Variants in DNAH5 observed in about 807,000 individuals in gnomAD.
The protein encoded by DNAH5 is axonemal beta dynein heavy chain 5.
Under a neutral mutation model 518.2 loss-of-function variants are expected in DNAH5, and 372 were observed. The ratio of observed to expected loss-of-function variants is 0.72; its 90% CI spans 0.66 to 0.78. The LOEUF (loss-of-function observed/expected upper bound fraction) is 0.78, where lower values mean the gene tolerates loss of function less well. Among genes scored for constraint, DNAH5 ranks in the 30% least tolerant of loss-of-function variants. The pLI, the probability that DNAH5 is intolerant of heterozygous loss-of-function variation, is 0.00. For missense variants in DNAH5, 5,523 were observed against 5,687.0 expected, an observed-to-expected ratio of 0.97 and a Z score of 0.93; for synonymous variants, 2,039 against 2,025.9, an observed-to-expected ratio of 1.01 and a Z score of -0.17.
At chr5:13,704,254 TG>T (rs924070839) in intron 76 of DNAH5, among the ~76,000 whole-genome samples, 3 of 152,116 alleles carry the variant, frequency 2.0e-5, no homozygotes, top group Non-Finnish European at 4.4e-5. Flanking sequence ...CTTTTATTAC[TG>T]GGGGTAGCAG....
At chr5:13,808,341 C>T (rs978910549) in intron 46 of DNAH5, among the ~76,000 whole-genome samples, 3 of 152,024 alleles carry the variant, frequency 2.0e-5, no homozygotes, top group Non-Finnish European at 2.9e-5. Context: ...CTGAAGAACC[C>T]CAGCCTGCCA....
intron 12 of DNAH5, among the ~76,000 whole-genome samples, chr5:13,904,658 C>A (rs1465229746): frequency 6.6e-6 from 1 of 152,042 alleles, no homozygotes; most frequent in Non-Finnish European, 1.5e-5. Context: ...CACCTTTAAT[C>A]CCAGAACATT....
In DNAH5 at chr5:13,707,334, C is replaced by T. The variant is rs181695219; in HGVS notation, c.13338+789G>A. Among the ~76,000 whole-genome samples the T allele has an allele frequency of 2.6e-5, 4 of 152,290 alleles. No homozygotes were observed. The highest frequency in any genetic ancestry group is 2.6e-4 in the Admixed American group (4 of 15,304). ...AAAACCTTGCACCCGACCTCTAAGC[C>T]CACATGTGAGGCAATTTTTCCAGTA... On this transcript the variant is annotated intron_variant, in intron 76 of 78. Coordinates refer to ENST00000265104, the MANE Select transcript of DNAH5 (RefSeq NM_001369.3). This position sits in a 1 kb window ranked among gnomAD's most constrained non-coding sequence, Gnocchi z 4.0.
intron 47 of DNAH5, among the ~76,000 whole-genome samples, chr5:13,799,334 CT>C (rs547543540): frequency 8.5e-5 from 13 of 152,130 alleles, no homozygotes; most frequent in African/African-American, 2.9e-4. Flanking sequence ...AATGAGAACA[CT>C]TTTTGGCACA....
At chr5:13,898,780 T>C (rs553466595) in intron 15 of DNAH5, 6 of 395,658 alleles carry the variant, frequency 1.5e-5, no homozygotes, top group Admixed American at 1.3e-4. Context: ...TTAACCACTA[T>C]GAAATTTTAA....
At chr5:13,814,894 G>C in intron 42 of DNAH5, 48 bp from the exon 43 acceptor site, 1 of 1,582,240 alleles carries the variant, frequency 6.3e-7, no homozygotes, top group Admixed American at 1.7e-5. Context: ...CACTCATGCA[G>C]TGCATGTACA....
intron 8 of DNAH5, among the ~76,000 whole-genome samples, chr5:13,916,908 A>T (rs11744581): frequency 6.6e-6 from 1 of 151,866 alleles, no homozygotes; most frequent in African/African-American, 2.4e-5. Context: ...AAAATATAAC[A>T]TCTCATATAC....
chr5:13,919,466 T>C (rs1487042980), intron 6 of DNAH5, 114 bp from the exon 7 acceptor site: 2 of 1,286,324 alleles, frequency 1.6e-6, no homozygotes, highest in African/African-American at 3.0e-5. Context: ...TCATGATATA[T>C]GCGTATTCCA....
intron 32 of DNAH5, among the ~76,000 whole-genome samples, chr5:13,844,570 C>T (rs976747831): frequency 1.3e-5 from 2 of 152,108 alleles, no homozygotes; most frequent in Non-Finnish European, 2.9e-5. Flanking sequence ...TACTAGTTAA[C>T]TTGGTGTGTA....
chr5:13,721,264 A>T lies in DNAH5; in HGVS notation c.12034-19T>A. ...TGCGGGCCTGCCAAAAACAGTATAC[A>T]AGTCAGTAAAAGTCATTCCAACTCT... On this transcript the variant is annotated intron_variant, in intron 70 of 78. Transcript: ENST00000265104. 3 of 1,613,962 alleles carry T rather than the reference A, an allele frequency of 1.9e-6. No individual in the cohort carries two copies. The highest frequency in any genetic ancestry group is 1.7e-6 in the Non-Finnish European group (2 of 1,179,908).
chr5:13,859,315 G>A lies in DNAH5; in HGVS notation c.4950+137C>T, dbSNP rs1900161. ...TCCTCACTCCCTTTGAAGAATAACA[G>A]CATTAACAGTGACAACAAAAAGATT... On this transcript the variant is annotated intron_variant, in intron 30 of 78. Transcript: ENST00000265104. 349,884 of 886,412 alleles carry A rather than the reference G, an allele frequency of 0.39. 71,015 individuals carry two copies. Among genetic ancestry groups the A allele is most frequent in the South Asian group, 0.47 (31,333 of 67,274 alleles). 54.9% of individuals were successfully genotyped at this position (886,412 alleles called of 1,614,324 possible).
Position 13,883,076 on chromosome 5 carries a change from T to C in DNAH5, c.3002A>G (p.Asn1001Ser). The C allele has an allele frequency of 6.2e-7, 1 of 1,614,060 alleles. No homozygotes were observed. Among genetic ancestry groups the C allele is most frequent in the East Asian group, 2.2e-5 (1 of 44,884 alleles). ...AATGGGCAAACTGTTCTGCTTCATG[T>C]TAGAGGCACTGTTACTGTCTGAGTT... The part of the protein sequence containing the change: ...INFRDSNSAS[N>S]MKQNSLPIFR... Residue 1001 changes from asparagine (N) to serine (S), a missense_variant, in exon 20 of 79, where the codon AAC (asparagine) becomes AGC (serine). Asn to Ser is a conservative substitution (Grantham distance 46). Coordinates refer to ENST00000265104, the MANE Select transcript of DNAH5 (RefSeq NM_001369.3).
At chr5:13,760,922 T>C (rs1327195592) in intron 60 of DNAH5, among the ~76,000 whole-genome samples, 3 of 152,232 alleles carry the variant, frequency 2.0e-5, no homozygotes, top group African/African-American at 4.8e-5. Context: ...ACACAGTGAA[T>C]GCGGGTCTGT....
chr5:13,878,911 A>T (rs1771262695), intron 21 of DNAH5, among the ~76,000 whole-genome samples: 1 of 152,224 alleles, frequency 6.6e-6, no homozygotes, highest in South Asian at 2.1e-4. Context: ...CATGCATTCA[A>T]CACTCCAACA....
At chr5:13,903,718 C>A (rs541427835) in intron 12 of DNAH5, among the ~76,000 whole-genome samples, 1 of 151,974 alleles carries the variant, frequency 6.6e-6, no homozygotes, top group Non-Finnish European at 1.5e-5. Context: ...CTTCTAAGGG[C>A]TGACGGAAAA....
At chr5:13,785,263 T>A (rs1459349087) in intron 52 of DNAH5, among the ~76,000 whole-genome samples, 1 of 151,370 alleles carries the variant, frequency 6.6e-6, no homozygotes, top group African/African-American at 2.4e-5. Context: ...CCTATGAAAA[T>A]CTAATGCCAC....
rs116995413 is a variant in DNAH5, at chr5:13,919,257, G to C, written c.894C>G (p.Asn298Lys). Reference sequence around the variant, plus strand: ...GGCTTTTCAATTGTTCCAAAAGGTAGTTAAACTTGGAGAGTCTTTTTTTCC... The same window carrying C: ...GGCTTTTCAATTGTTCCAAAAGGTACTTAAACTTGGAGAGTCTTTTTTTCC... ...EHWKKRLSKF[N>K]YLLEQLKSPD... Residue 298 changes from asparagine (N) to lysine (K), a missense_variant, in exon 7 of 79, where the codon AAC becomes AAG. Around this residue, in one of 3 missense-constraint regions of DNAH5, gnomAD observed 5,121 missense variants for 5,223.3 expected, o/e 0.98. Coordinates refer to ENST00000265104, the MANE Select transcript of DNAH5 (RefSeq NM_001369.3). 682 of 1,614,142 alleles carry C rather than the reference G, an allele frequency of 4.2e-4. 9 individuals carry two copies. In the East Asian group the frequency reaches 0.014, roughly 34 times the overall value.
Position 13,952,394 on chromosome 5 carries a change from T to C in DNAH5, c.13-21150A>G, listed in dbSNP as rs539237574. ...GTTCTGTCTCTGAAAAGCTTAAAAA[T>C]AGGCTCAGGGAGACATCAAAGGAAG... is the stretch of plus-strand genomic sequence containing the variant. On this transcript the variant is annotated intron_variant, in intron 1 of 78. Coordinates refer to the DNAH5 transcript ENST00000681290. Among the ~76,000 whole-genome samples, 24 of 152,242 alleles carry C rather than the reference T, an allele frequency of 1.6e-4. 1 individual carries two copies. In the South Asian group the frequency reaches 3.1e-3, roughly 20 times the overall value.
At chr5:13,966,365 TG>T (rs1781531818) in intron 1 of DNAH5, among the ~76,000 whole-genome samples, 1 of 152,246 alleles carries the variant, frequency 6.6e-6, no homozygotes, top group Non-Finnish European at 1.5e-5. Flanking sequence ...TCTTTTCCTC[TG>T]GGTAGATACC....
Sources: gnomAD v4.1 joint callset for allele counts (sites outside exome capture counted in the v4.1 genomes callset) on GRCh38, gnomAD v4.1.1 for gene constraint, gnomAD v4.1.1 regional missense constraint, Gnocchi (gnomAD v3.1) non-coding constraint, MANE v1.5 for transcripts, NCBI Gene and HGNC (gene_info 2026-07-23, HGNC 2026-07-21) for gene names.